LMLN: variants seen among roughly 807,000 people sequenced by gnomAD.
The protein encoded by LMLN is leishmanolysin like peptidase.
Under a neutral mutation model 92.3 loss-of-function variants are expected in LMLN, and 70 were observed. That is an observed-to-expected ratio of 0.76 (90% confidence interval 0.63 to 0.92). The LOEUF is 0.92. Among genes scored for constraint, LMLN ranks in the 40% least tolerant of loss-of-function variants. The pLI, the probability that LMLN is intolerant of heterozygous loss-of-function variation, is 0.00. For synonymous variants in LMLN, 308 were observed against 296.2 expected (o/e 1.04, Z -0.41); for missense variants, 691 against 814.6 (o/e 0.85, Z 1.85).
Position 198,019,301 on chromosome 3 carries a change from G to C in LMLN, c.1281G>C (p.Leu427=). 2.5e-6 allele frequency: 4 copies of C among 1,614,122 alleles called. No homozygotes were observed. The highest frequency in any genetic ancestry group is 3.4e-6 in the Non-Finnish European group (4 of 1,180,002). The change falls in exon 12 of 16, where the codon CTG becomes CTC. Residue 427 remains leucine (L), a synonymous_variant. Transcript: ENST00000330198. This position sits in a 1 kb window ranked among gnomAD's most constrained non-coding sequence, Gnocchi z 5.5. ...GTGACACGCTCAGAAGTAACCCACTGCAGCTAACTTGCAGACAGGACCAGA... is the reference window on the plus strand; with the variant it reads ...GTGACACGCTCAGAAGTAACCCACTCCAGCTAACTTGCAGACAGGACCAGA...
At chr3:198,017,449 A>C (rs1179159435) in intron 11 of LMLN, among the ~76,000 whole-genome samples, 2 of 152,176 alleles carry the variant, frequency 1.3e-5, no homozygotes, top group African/African-American at 4.8e-5. Flanking sequence ...ATCTACACCT[A>C]CTTAAAGTAA....
chr3:197,985,390 TACACACACACACAC>T (rs142039210), intron 7 of LMLN, among the ~76,000 whole-genome samples: 1 of 142,402 alleles, frequency 7.0e-6, no homozygotes, highest in Non-Finnish European at 1.5e-5. Flanking sequence ...TTTCATAATG[TACACACACACACAC>T]ACACACACAC....
chr3:198,023,660 ACT>A (rs1446311835), intron 13 of LMLN, among the ~76,000 whole-genome samples: 2 of 152,110 alleles, frequency 1.3e-5, no homozygotes, highest in African/African-American at 2.4e-5. Flanking sequence ...GGCTAATTGA[ACT>A]CTCTACTTCC....
intron 9 of LMLN, among the ~76,000 whole-genome samples, chr3:197,993,642 T>G (rs1721940325): frequency 6.6e-6 from 1 of 152,104 alleles, no homozygotes; most frequent in Non-Finnish European, 1.5e-5. Context: ...ATTAGTATTG[T>G]TAAAATGTCC....
chr3:198,022,573 T>A (rs1236331647), intron 13 of LMLN, among the ~76,000 whole-genome samples: 1 of 152,232 alleles, frequency 6.6e-6, no homozygotes, highest in African/African-American at 2.4e-5. Context: ...ATAAATGTCC[T>A]GGCCAGGCGC....
At chr3:197,962,058 AT>A (rs1240973111) in intron 1 of LMLN, among the ~76,000 whole-genome samples, 1 of 152,172 alleles carries the variant, frequency 6.6e-6, no homozygotes, top group Non-Finnish European at 1.5e-5. Flanking sequence ...ATCCATGCAC[AT>A]CCACATAAAG....
intron 11 of LMLN, among the ~76,000 whole-genome samples, chr3:198,008,376 T>C (rs995127191): frequency 2.6e-5 from 4 of 152,200 alleles, no homozygotes; most frequent in African/African-American, 9.6e-5. Flanking sequence ...TAATAATTAT[T>C]ACTAAATGAG....
intron 14 of LMLN, among the ~76,000 whole-genome samples, chr3:198,028,507 T>C (rs1475723816): frequency 3.3e-5 from 5 of 152,228 alleles, no homozygotes; most frequent in African/African-American, 4.8e-5. Flanking sequence ...AAAGGGAAAC[T>C]GTATTATCTC....
At chr3:197,981,405 T>C (rs1362441578) in intron 6 of LMLN, among the ~76,000 whole-genome samples, 1 of 152,162 alleles carries the variant, frequency 6.6e-6, no homozygotes, top group Admixed American at 6.5e-5. Context: ...AAGTCCACTG[T>C]CAAGAGAATT....
intron 5 of LMLN, among the ~76,000 whole-genome samples, chr3:197,976,953 T>A (rs1160433008): frequency 1.3e-5 from 2 of 152,248 alleles, no homozygotes; most frequent in Non-Finnish European, 2.9e-5. Flanking sequence ...GTCTGCTGAA[T>A]CACTTTAGCT....
chr3:197,976,090 C>T lies in LMLN; in HGVS notation c.410C>T (p.Ala137Val), dbSNP rs369836591. The T allele has an allele frequency of 2.4e-5, 38 of 1,605,044 alleles. 1 individual carries two copies. Among genetic ancestry groups the T allele is most frequent in the Middle Eastern group, 1.7e-4 (1 of 6,056 alleles). Residue 137 changes from alanine (A) to valine (V), a missense_variant, in exon 4 of 16, where the codon GCG (alanine) becomes GTG (valine). This residue lies in a region of LMLN where 240 missense variants were observed against 287.3 expected (regional missense o/e 0.84). Coordinates refer to ENST00000330198, the Ensembl canonical transcript of LMLN. ...AAGACTTTTCAGGTCCGTCGACCTGCGGGCACTATCTTACTTAGCAGGTAT... is the reference window on the plus strand; with the variant it reads ...AAGACTTTTCAGGTCCGTCGACCTGTGGGCACTATCTTACTTAGCAGGTAT...
intron 1 of LMLN, among the ~76,000 whole-genome samples, chr3:197,971,369 G>A (rs1721219408): frequency 1.3e-5 from 2 of 152,146 alleles, no homozygotes; most frequent in Non-Finnish European, 2.9e-5. Flanking sequence ...AAAACCATCA[G>A]ATCTTGTGAG....
rs148122686 is a variant in LMLN, at chr3:198,026,987, C to CGT, written c.1656+2212_1656+2213dup. ...GTATCAGTACACTCTCCTGTGAGTGCGTGTGTGTGTGTGTAAGTAATCATG... is the reference window on the plus strand; with the variant it reads ...GTATCAGTACACTCTCCTGTGAGTGCGTGTGTGTGTGTGTGTAAGTAATCATG... On this transcript the variant is annotated intron_variant, in intron 14 of 15. Coordinates refer to ENST00000330198, the Ensembl canonical transcript of LMLN. Among the ~76,000 whole-genome samples the CGT allele has an allele frequency of 1.0e-3, 156 of 151,590 alleles. 1 individual carries two copies. The highest frequency in any genetic ancestry group is 2.5e-3 in the South Asian group (12 of 4,776).
chr3:198,013,056 A>G (rs1335650899), intron 11 of LMLN, among the ~76,000 whole-genome samples: 1 of 131,518 alleles, frequency 7.6e-6, no homozygotes, highest in East Asian at 2.1e-4. Flanking sequence ...ACTTCTCTGT[A>G]CCCTTCAGAG....
chr3:198,031,793 G>T lies in LMLN; in HGVS notation c.1657-4040G>T, dbSNP rs1723084554. ...ATTCTATTTTTGGTGATCATTAACAGCCTGTTCATATTCAAGAAGTGACTG... is the reference window on the plus strand; with the variant it reads ...ATTCTATTTTTGGTGATCATTAACATCCTGTTCATATTCAAGAAGTGACTG... On this transcript the variant is annotated intron_variant, in intron 14 of 15. Transcript: ENST00000330198. This position sits in a 1 kb window ranked among gnomAD's most constrained non-coding sequence, Gnocchi z 4.8. 6.6e-6 allele frequency among the ~76,000 whole-genome samples: 1 copy of T among 152,022 alleles called. No homozygotes were observed. Among genetic ancestry groups the T allele is most frequent in the African/African-American group, 2.4e-5 (1 of 41,394 alleles).
rs371186278 is a variant in LMLN at position 198,007,777 on chromosome 3, T to C, written c.1232+8435T>C. Among the ~76,000 whole-genome samples the C allele has an allele frequency of 2.6e-5, 4 of 152,336 alleles. No homozygotes were observed. In the East Asian group the frequency reaches 5.8e-4, roughly 22 times the overall value. On this transcript the variant is annotated intron_variant, in intron 11 of 15. Coordinates refer to ENST00000330198, the Ensembl canonical transcript of LMLN. ...ACCCTGTGTGTCAGTTTGAGGAGAA[T>C]TGACATTTTTACTGTGTTGAGTTTT...
chr3:197,968,339 A>G (rs973907985), intron 1 of LMLN, among the ~76,000 whole-genome samples: 1 of 152,016 alleles, frequency 6.6e-6, no homozygotes, highest in Non-Finnish European at 1.5e-5. Flanking sequence ...GTGTGGTGGC[A>G]GGCACCTGTA....
chr3:198,011,245 G>T (rs1357099649), intron 11 of LMLN, among the ~76,000 whole-genome samples: 1 of 152,146 alleles, frequency 6.6e-6, no homozygotes, highest in Non-Finnish European at 1.5e-5. Flanking sequence ...TTAGTATTAG[G>T]TATATCTCCT....
intron 15 of LMLN, chr3:198,038,335 C>T: frequency 9.4e-6 from 4 of 423,336 alleles, no homozygotes; most frequent in Non-Finnish European, 1.7e-5. Context: ...TTTTGGATAC[C>T]ATTTTTTAAC....
Sources: gnomAD v4.1 joint callset for allele counts (sites outside exome capture counted in the v4.1 genomes callset) on GRCh38, gnomAD v4.1.1 for gene constraint, gnomAD v4.1.1 regional missense constraint, Gnocchi (gnomAD v3.1) non-coding constraint, MANE v1.5 for transcripts, NCBI Gene and HGNC (gene_info 2026-07-23, HGNC 2026-07-21) for gene names.